Variants in NIBAN1 observed in about 807,000 individuals in gnomAD.
The protein encoded by NIBAN1 is protein Niban 1.
In NIBAN1, 81 loss-of-function variants were observed where a neutral mutation model predicts 75.1. The ratio of observed to expected loss-of-function variants is 1.08; its 90% confidence interval spans 0.90 to 1.30. NIBAN1 has a LOEUF of 1.30. Ranked by LOEUF, NIBAN1 falls within the 50% of genes most tolerant of loss-of-function variation. NIBAN1 has a pLI of 0.00. For synonymous variants in NIBAN1, 436 were observed against 424.8 expected (o/e 1.03, Z -0.32); for missense variants, 1,133 against 1,128.1 (o/e 1.00, Z -0.06).
intron 1 of NIBAN1, among the ~76,000 whole-genome samples, chr1:184,936,123 T>C (rs2102040386): frequency 6.6e-6 from 1 of 151,892 alleles, no homozygotes; most frequent in East Asian, 1.9e-4. Context: ...ACTGACCTCA[T>C]CCAAACATAA....
At chr1:184,889,780 C>T (rs1013463901) in intron 4 of NIBAN1, among the ~76,000 whole-genome samples, 4 of 152,170 alleles carry the variant, frequency 2.6e-5, no homozygotes, top group Non-Finnish European at 5.9e-5. Context: ...ATGTTTTCCT[C>T]AACTAGAGAA....
At position 184,832,039 on chromosome 1, in the gene NIBAN1, CAG is replaced by C. The variant is rs923211518; in HGVS notation, c.602-79_602-78del. The C allele has an allele frequency of 7.9e-6, 8 of 1,009,202 alleles. No homozygotes were observed. In the African/African-American group the frequency reaches 1.3e-4, roughly 16 times the overall value. The allele number at this position is 1,009,202 out of a possible 1,614,324, so 62.5% of individuals were successfully genotyped here. A position where few individuals can be genotyped will look rare whatever the true frequency, so the allele number is the denominator to read the frequency against. ...CCATAGCTCTTCAAGTGTAATGGCTCAGAGACCTAGCATTATCTGAAAATGAC... is the reference window on the plus strand; with the variant it reads ...CCATAGCTCTTCAAGTGTAATGGCTCAGACCTAGCATTATCTGAAAATGAC... On this transcript the variant is annotated intron_variant, in intron 5 of 13. Transcript: ENST00000367511.
chr1:184,826,448 G>C (rs928964602), intron 6 of NIBAN1, among the ~76,000 whole-genome samples: 1 of 152,124 alleles, frequency 6.6e-6, no homozygotes, highest in Non-Finnish European at 1.5e-5. Context: ...AGATTCAGTG[G>C]GTAATTAATA....
chr1:184,823,840 G>T, intron 6 of NIBAN1, 98 bp from the exon 7 acceptor site: 1 of 939,908 alleles, frequency 1.1e-6, no homozygotes, highest in Non-Finnish European at 1.7e-6. Flanking sequence ...TCCCTGTCCC[G>T]GACCAGATGA....
At chr1:184,841,313 A>G (rs641658) in intron 5 of NIBAN1, among the ~76,000 whole-genome samples, 4,160 of 152,230 alleles carry the variant, frequency 0.027, 96 homozygotes, top group African/African-American at 0.065. Context: ...GCTCAGTGCA[A>G]GTCAGTCAGG....
intron 1 of NIBAN1, among the ~76,000 whole-genome samples, chr1:184,962,797 A>G (rs1043318796): frequency 3.3e-5 from 5 of 152,214 alleles, no homozygotes; most frequent in Non-Finnish European, 5.9e-5. Flanking sequence ...AATGATTTTT[A>G]TAGTCAATTG....
At chr1:184,887,740 G>C (rs1238292808) in intron 4 of NIBAN1, 1 of 152,206 alleles carries the variant, frequency 6.6e-6, no homozygotes, top group Non-Finnish European at 1.5e-5. Context: ...TATCTTTAGT[G>C]AGATAATAAA....
chr1:184,889,175 CTA>C (rs1036392215), intron 4 of NIBAN1, among the ~76,000 whole-genome samples: 1 of 152,086 alleles, frequency 6.6e-6, no homozygotes, highest in African/African-American at 2.4e-5. Flanking sequence ...CTTATTTAGT[CTA>C]TATATTATCC....
At chr1:184,805,272 C>T (rs1416757227) in intron 11 of NIBAN1, among the ~76,000 whole-genome samples, 1 of 152,110 alleles carries the variant, frequency 6.6e-6, no homozygotes, top group East Asian at 1.9e-4. Flanking sequence ...GGTGTATGAT[C>T]GTTTATCCTT....
At chr1:184,887,759 T>C (rs905150358) in intron 4 of NIBAN1, 8 of 152,022 alleles carry the variant, frequency 5.3e-5, no homozygotes, top group Non-Finnish European at 1.2e-4. Flanking sequence ...AAACTTTGAG[T>C]TTTTTATTGT....
chr1:184,935,738 G>A (rs1005372151), intron 1 of NIBAN1, among the ~76,000 whole-genome samples: 3 of 151,704 alleles, frequency 2.0e-5, no homozygotes, highest in African/African-American at 7.3e-5. Context: ...AAGCCTAGTT[G>A]GGTAAATTTC....
At chr1:184,858,060 C>T (rs563392934) in intron 5 of NIBAN1, among the ~76,000 whole-genome samples, 2 of 152,096 alleles carry the variant, frequency 1.3e-5, no homozygotes, top group South Asian at 2.1e-4. Context: ...ATATATTTGA[C>T]TGCATAAAAA....
chr1:184,856,787 G>A (rs1277129251), intron 5 of NIBAN1, among the ~76,000 whole-genome samples: 1 of 152,186 alleles, frequency 6.6e-6, no homozygotes, highest in Admixed American at 6.5e-5. Context: ...ACAATCACAA[G>A]GCAGGTGCCT....
Position 184,862,198 on chromosome 1 carries a change from G to A in NIBAN1, c.601+22435C>T, listed in dbSNP as rs776231837. ...TTATCTCCGAATGCTCCCCCTGCCCGGTTAACAGCAGCCACTGTCCCGTGA... is the reference window on the plus strand; with the variant it reads ...TTATCTCCGAATGCTCCCCCTGCCCAGTTAACAGCAGCCACTGTCCCGTGA... On this transcript the variant is annotated intron_variant, in intron 5 of 13. Coordinates refer to ENST00000367511, the MANE Select transcript of NIBAN1 (RefSeq NM_052966.4). Among the ~76,000 whole-genome samples the A allele has an allele frequency of 5.3e-5, 8 of 152,038 alleles. 1 individual carries two copies. The South Asian group carries it at 1.0e-3, about 20-fold the overall frequency.
chr1:184,942,414 C>T (rs1658112996), intron 1 of NIBAN1, among the ~76,000 whole-genome samples: 1 of 152,348 alleles, frequency 6.6e-6, no homozygotes, highest in South Asian at 2.1e-4. Flanking sequence ...ACAGATGCCG[C>T]GGGGCGCGGT....
chr1:184,831,261 T>C (rs481215), intron 6 of NIBAN1, among the ~76,000 whole-genome samples: 11 of 152,194 alleles, frequency 7.2e-5, no homozygotes, highest in Non-Finnish European at 1.6e-4. Context: ...AAAGATAAAT[T>C]AAATATATAG....
At chr1:184,821,709 C>A (rs919698581) in intron 8 of NIBAN1, among the ~76,000 whole-genome samples, 1 of 152,136 alleles carries the variant, frequency 6.6e-6, no homozygotes, top group Admixed American at 6.5e-5. Flanking sequence ...AAGTTGAGCA[C>A]TGGTAGTTTT....
At chr1:184,809,652 T>C (rs899032358) in intron 9 of NIBAN1, among the ~76,000 whole-genome samples, 3 of 145,808 alleles carry the variant, frequency 2.1e-5, no homozygotes, top group Non-Finnish European at 3.0e-5. Flanking sequence ...TATATATATA[T>C]ACACATATAT....
Position 184,974,285 on chromosome 1 carries a change from C to T in NIBAN1, c.55+17G>A, listed in dbSNP as rs758651693. 2 of 1,550,220 alleles carry T rather than the reference C, an allele frequency of 1.3e-6. No individual in the cohort carries two copies. Among genetic ancestry groups the T allele is most frequent in the East Asian group, 2.4e-5 (1 of 41,010 alleles). ...CGGGTCAGGGTGCTCCCCAGGCCCCCGGGCGGGCGGGCGTACCTCGGATGT... is the reference window on the plus strand; with the variant it reads ...CGGGTCAGGGTGCTCCCCAGGCCCCTGGGCGGGCGGGCGTACCTCGGATGT... On this transcript the variant is annotated intron_variant, in intron 1 of 13. Transcript: ENST00000367511.
Sources: allele counts gnomAD v4.1 joint callset (sites outside exome capture counted in the v4.1 genomes callset), GRCh38; gene constraint gnomAD v4.1.1; transcripts MANE v1.5; gene names NCBI Gene and HGNC (gene_info 2026-07-23, HGNC 2026-07-21).